The following SOCS5 variants were observed in gnomAD, a reference collection of about 807,000 sequenced individuals.
The protein encoded by SOCS5 is suppressor of cytokine signaling 5.
SOCS5 carries 32 observed loss-of-function variants against 42.8 expected under a neutral mutation model. The observed-to-expected ratio is 0.75, with a 90% CI of 0.56 to 1.01. The LOEUF is 1.01. SOCS5 is among the 50% of genes least tolerant of loss of function. The pLI is 0.00. For synonymous variants in SOCS5, 283 were observed against 229.6 expected (o/e 1.23, Z -2.10); for missense variants, 627 against 653.0 (o/e 0.96, Z 0.43).
At position 46,735,817 on chromosome 2, in the gene SOCS5, C is replaced by T. The variant is rs563945593; in HGVS notation, c.-12-22702C>T. 7.9e-5 allele frequency among the ~76,000 whole-genome samples: 12 copies of T among 151,808 alleles called. No homozygotes were observed. In the South Asian group the frequency reaches 2.5e-3, roughly 32 times the overall value. On this transcript the variant is annotated intron_variant, in intron 1 of 1. Transcript: ENST00000394861. The stretch of plus-strand genomic sequence containing the variant: ...TCTTTTCTTATACTTAATTTTTTTC[C>T]TATTTTCTCCATTATGTGAAAAGAA...
chr2:46,701,945 A>G (rs1010991852), intron 1 of SOCS5, among the ~76,000 whole-genome samples: 2 of 151,566 alleles, frequency 1.3e-5, no homozygotes, highest in Non-Finnish European at 2.9e-5. Context: ...TACCTTTAAA[A>G]AGAGAGTAGA....
intron 1 of SOCS5, among the ~76,000 whole-genome samples, chr2:46,731,627 G>T (rs1426189631): frequency 1.3e-5 from 2 of 152,210 alleles, no homozygotes; most frequent in South Asian, 2.1e-4. Context: ...TTGGCCAGTA[G>T]AACTGAACTG....
intron 1 of SOCS5, among the ~76,000 whole-genome samples, chr2:46,750,682 C>T (rs2103754985): frequency 6.6e-6 from 1 of 152,214 alleles, no homozygotes; most frequent in Middle Eastern, 3.4e-3. Context: ...CAGGCCTACA[C>T]AAGGGTCATG....
intron 1 of SOCS5, among the ~76,000 whole-genome samples, chr2:46,707,567 A>T (rs1378609676): frequency 6.6e-6 from 1 of 152,232 alleles, no homozygotes; most frequent in Non-Finnish European, 1.5e-5. Context: ...TCAGACTAGG[A>T]CCGAGGCAGG....
intron 1 of SOCS5, among the ~76,000 whole-genome samples, chr2:46,734,188 G>A (rs748307792): frequency 6.6e-6 from 1 of 152,062 alleles, no homozygotes; most frequent in South Asian, 2.1e-4. Context: ...TAGGACACTG[G>A]TGGTTTTTTT....
At chr2:46,717,055 G>C (rs964047250) in intron 1 of SOCS5, among the ~76,000 whole-genome samples, 1 of 152,128 alleles carries the variant, frequency 6.6e-6, no homozygotes, top group Non-Finnish European at 1.5e-5. Context: ...TCTTTGTGTA[G>C]CCTCATGGAG....
intron 1 of SOCS5, among the ~76,000 whole-genome samples, chr2:46,747,982 G>C (rs1673541234): frequency 6.6e-6 from 1 of 152,088 alleles, no homozygotes; most frequent in South Asian, 2.1e-4. Context: ...AAATTTGTAT[G>C]TTACATGCTA....
At chr2:46,738,933 C>G (rs1194709394) in intron 1 of SOCS5, among the ~76,000 whole-genome samples, 2 of 152,148 alleles carry the variant, frequency 1.3e-5, no homozygotes, top group African/African-American at 4.8e-5. Flanking sequence ...AACGCAGATT[C>G]TTTAAGGAAC....
chr2:46,714,520 A>T (rs1672697355), intron 1 of SOCS5, among the ~76,000 whole-genome samples: 1 of 152,180 alleles, frequency 6.6e-6, no homozygotes, highest in African/African-American at 2.4e-5. Flanking sequence ...ATATCATTAT[A>T]CTTGAAGTGG....
rs539042738 is a variant in SOCS5, at chr2:46,759,502, G to A, written c.972G>A (p.Ser324=). ...CAATTCCACAAGCTAATTGTGACTC[G>A]GAAGAGGATACAACCACCCTGTGTT... ...SSAIPQANCD[S]EEDTTTLCLQ... Residue 324 remains serine (S), a synonymous_variant, in exon 2 of 2, where the codon TCG becomes TCA. Transcript: ENST00000394861. 579 of 1,613,946 alleles carry A rather than the reference G, an allele frequency of 3.6e-4. 4 individuals carry two copies. In the South Asian group the frequency reaches 6.0e-3, roughly 17 times the overall value.
At chr2:46,701,809 A>ATTTTTTTTTTTTTTTTTTTTTTTTTTTT (rs869043578) in intron 1 of SOCS5, among the ~76,000 whole-genome samples, 2 of 35,858 alleles carry the variant, frequency 5.6e-5, no homozygotes, top group African/African-American at 4.1e-4. Context: ...GCATTCTATA[A>ATTTTTTTTTTTTTTTTTTTTTTTTTTTT]TTTTTATGCT....
At chr2:46,703,957 C>T (rs1672403978) in intron 1 of SOCS5, among the ~76,000 whole-genome samples, 1 of 152,058 alleles carries the variant, frequency 6.6e-6, no homozygotes. Context: ...TCTTAGTGAC[C>T]TGAAAATTAG....
chr2:46,704,062 C>T (rs1672406147), intron 1 of SOCS5, among the ~76,000 whole-genome samples: 1 of 152,142 alleles, frequency 6.6e-6, no homozygotes, highest in South Asian at 2.1e-4. Context: ...AATATATTTT[C>T]ACAGATTCAT....
chr2:46,748,118 G>A (rs964913036), intron 1 of SOCS5, among the ~76,000 whole-genome samples: 1 of 151,352 alleles, frequency 6.6e-6, no homozygotes, highest in Admixed American at 6.6e-5. Flanking sequence ...TACTTCTCCC[G>A]ATACCCTTCT....
intron 1 of SOCS5, among the ~76,000 whole-genome samples, chr2:46,738,713 C>T: frequency 6.6e-6 from 1 of 152,056 alleles, no homozygotes; most frequent in Admixed American, 6.6e-5. Flanking sequence ...CATATGTTCT[C>T]ATAGCTTCTA....
At chr2:46,716,552 A>G (rs1242302825) in intron 1 of SOCS5, among the ~76,000 whole-genome samples, 1 of 152,016 alleles carries the variant, frequency 6.6e-6, no homozygotes, top group Non-Finnish European at 1.5e-5. Flanking sequence ...AACATGGCGC[A>G]CTGCAGCCTT....
chr2:46,716,088 A>G (rs1395076086), intron 1 of SOCS5, among the ~76,000 whole-genome samples: 6 of 140,196 alleles, frequency 4.3e-5, no homozygotes, highest in East Asian at 2.0e-4. Context: ...TGTCCAGTCA[A>G]TTTTTCATGT....
At chr2:46,707,049 A>G (rs1672510339) in intron 1 of SOCS5, among the ~76,000 whole-genome samples, 1 of 152,192 alleles carries the variant, frequency 6.6e-6, no homozygotes. Context: ...TCCTTTGAAG[A>G]GTGGACAAAG....
chr2:46,724,283 G>T (rs1322249864), intron 1 of SOCS5, among the ~76,000 whole-genome samples: 1 of 148,922 alleles, frequency 6.7e-6, no homozygotes, highest in African/African-American at 2.5e-5. Context: ...ATACAATGTT[G>T]ACTAGAAGTG....
Sources: allele counts gnomAD v4.1 joint callset (sites outside exome capture counted in the v4.1 genomes callset), GRCh38; gene constraint gnomAD v4.1.1; transcripts MANE v1.5; gene names NCBI Gene and HGNC (gene_info 2026-07-23, HGNC 2026-07-21).